CSMD1: variants seen among roughly 807,000 people sequenced by gnomAD.
The protein encoded by CSMD1 is CUB and Sushi multiple domains 1, also known as CUB and sushi domain-containing protein 1.
In CSMD1, 213 loss-of-function variants were observed where a neutral mutation model predicts 417.5. The observed-to-expected ratio is 0.51, with a 90% CI of 0.46 to 0.57. CSMD1 has a LOEUF of 0.57. Ranked by LOEUF, CSMD1 falls within the 20% of genes least tolerant of loss-of-function variation. The pLI, the probability that CSMD1 is intolerant of heterozygous loss-of-function variation, is 0.00. For missense variants in CSMD1, 6,923 were observed against 4,529.7 expected, an observed-to-expected ratio of 1.53 and a Z score of -15.17; for synonymous variants, 2,862 against 1,736.8, an observed-to-expected ratio of 1.65 and a Z score of -16.11.
chr8:3,125,646 T>C (rs1307558034), intron 41 of CSMD1, among the ~76,000 whole-genome samples: 4 of 152,200 alleles, frequency 2.6e-5, no homozygotes, highest in African/African-American at 4.8e-5. Context: ...TTCTCTCTAT[T>C]AGTTCTATAA....
At chr8:4,515,026 G>C (rs1454153405) in intron 2 of CSMD1, among the ~76,000 whole-genome samples, 1 of 152,048 alleles carries the variant, frequency 6.6e-6, no homozygotes, top group Non-Finnish European at 1.5e-5. Context: ...ATTCTCAAAA[G>C]AAGAAGCACT....
At chr8:4,761,271 C>T (rs1812023742) in intron 1 of CSMD1, among the ~76,000 whole-genome samples, 1 of 151,990 alleles carries the variant, frequency 6.6e-6, no homozygotes, top group African/African-American at 2.4e-5. Flanking sequence ...AACAGGAAAG[C>T]ATGGTCAGTG....
At chr8:3,961,751 C>G (rs1383738231) in intron 5 of CSMD1, among the ~76,000 whole-genome samples, 3 of 152,178 alleles carry the variant, frequency 2.0e-5, no homozygotes, top group African/African-American at 4.8e-5. Context: ...AAAGCCCGGT[C>G]TTTCATGATG....
At chr8:4,588,334 T>C (rs531613314) in intron 2 of CSMD1, among the ~76,000 whole-genome samples, 2 of 145,638 alleles carry the variant, frequency 1.4e-5, no homozygotes, top group African/African-American at 5.0e-5. Flanking sequence ...CAGTTTCAAA[T>C]ACAGTATAGA....
intron 2 of CSMD1, among the ~76,000 whole-genome samples, chr8:4,632,644 G>A (rs1466411091): frequency 2.0e-5 from 3 of 152,120 alleles, no homozygotes; most frequent in Admixed American, 6.6e-5. Context: ...TACAAGCCCC[G>A]AGCCCCATTG....
intron 3 of CSMD1, among the ~76,000 whole-genome samples, chr8:4,068,915 A>C (rs964352962): frequency 2.6e-5 from 4 of 152,190 alleles, no homozygotes; most frequent in African/African-American, 9.7e-5. Context: ...ACCAAATAAT[A>C]ATTATAATTT....
chr8:3,390,641 T>G (rs1344345914), intron 17 of CSMD1, among the ~76,000 whole-genome samples: 1 of 151,384 alleles, frequency 6.6e-6, no homozygotes, highest in East Asian at 1.9e-4. Flanking sequence ...TTGATACAAA[T>G]AGTTACAAAC....
At chr8:3,419,629 C>T (rs1414105726) in intron 12 of CSMD1, among the ~76,000 whole-genome samples, 1 of 151,812 alleles carries the variant, frequency 6.6e-6, no homozygotes. Context: ...CCCCTTTTAT[C>T]AACAGGATTG....
chr8:4,179,376 T>C, intron 3 of CSMD1, among the ~76,000 whole-genome samples: 1 of 152,174 alleles, frequency 6.6e-6, no homozygotes, highest in East Asian at 1.9e-4. Flanking sequence ...GCTAGCCATA[T>C]GTAGAAAGCT....
At chr8:3,894,109 T>C (rs1345371523) in intron 5 of CSMD1, among the ~76,000 whole-genome samples, 1 of 152,226 alleles carries the variant, frequency 6.6e-6, no homozygotes, top group East Asian at 1.9e-4. Context: ...GTTCCGTCTA[T>C]TCTGCACCTC....
intron 1 of CSMD1, among the ~76,000 whole-genome samples, chr8:4,967,889 A>C (rs1215187548): frequency 1.3e-5 from 2 of 152,196 alleles, no homozygotes; most frequent in African/African-American, 4.8e-5. Context: ...CTGCAGTACC[A>C]TACCGTGTGT....
intron 3 of CSMD1, among the ~76,000 whole-genome samples, chr8:4,113,177 G>A (rs886316890): frequency 1.3e-5 from 2 of 151,982 alleles, no homozygotes; most frequent in African/African-American, 2.4e-5. Context: ...CCTAGCCCCA[G>A]AGACACAACA....
rs531962814 is a variant in CSMD1 at position 3,466,762 on chromosome 8, G to C, written c.1561+1950C>G. 1.4e-4 allele frequency among the ~76,000 whole-genome samples: 22 copies of C among 151,886 alleles called. No individual in the cohort carries two copies. The East Asian group carries it at 2.9e-3, about 20-fold the overall frequency. Reference sequence around the variant, plus strand: ...GATAATATAATTTATGAATAACTTTGCTTTGAGTCAAATAATATAAAATTA... The same window carrying C: ...GATAATATAATTTATGAATAACTTTCCTTTGAGTCAAATAATATAAAATTA... On this transcript the variant is annotated intron_variant, in intron 12 of 69. Coordinates refer to ENST00000635120, the MANE Select transcript of CSMD1 (RefSeq NM_033225.6).
rs189614784 is a variant in CSMD1 at position 4,415,427 on chromosome 8, C to T, written c.415+4526G>A. Among the ~76,000 whole-genome samples, 15 of 152,078 alleles carry T rather than the reference C, an allele frequency of 9.9e-5. 1 individual carries two copies. The highest frequency in any genetic ancestry group is 7.9e-4 in the Admixed American group (12 of 15,268). On this transcript the variant is annotated intron_variant, in intron 3 of 69. Coordinates refer to ENST00000635120, the MANE Select transcript of CSMD1 (RefSeq NM_033225.6). ...TGACACAAAGTAGGCATTTAGCGCA[C>T]GTGCTTTAATAACACGCTCTTCAGG...
intron 8 of CSMD1, among the ~76,000 whole-genome samples, chr8:3,605,236 C>A (rs2449170): frequency 2.0e-5 from 3 of 151,992 alleles, no homozygotes; most frequent in South Asian, 4.1e-4. Flanking sequence ...GTGATCCACC[C>A]GCCTCGGCCT....
In CSMD1 at chr8:3,043,406, A is replaced by C. The variant is rs188841281; in HGVS notation, c.7660+9056T>G. On this transcript the variant is annotated intron_variant, in intron 50 of 69. Coordinates refer to ENST00000635120, the MANE Select transcript of CSMD1 (RefSeq NM_033225.6). ...ATAGCGATAGGTTTCTATGACCTAT[A>C]AATACTAGATATGACTAGATGGAAC... Among the ~76,000 whole-genome samples, 163 of 152,214 alleles carry C rather than the reference A, an allele frequency of 1.1e-3. 1 individual carries two copies. Among genetic ancestry groups the C allele is most frequent in the African/African-American group, 3.9e-3 (162 of 41,534 alleles).
chr8:3,160,621 A>T (rs1819826131), intron 38 of CSMD1, among the ~76,000 whole-genome samples: 1 of 152,230 alleles, frequency 6.6e-6, no homozygotes, highest in Non-Finnish European at 1.5e-5. Flanking sequence ...TGTGGTACCC[A>T]CCAAGATGGT....
intron 4 of CSMD1, among the ~76,000 whole-genome samples, chr8:4,028,215 G>A (rs972364571): frequency 3.9e-5 from 6 of 152,146 alleles, no homozygotes; most frequent in African/African-American, 1.4e-4. Context: ...TAGGACAGAG[G>A]AATAATTCAA....
intron 7 of CSMD1, among the ~76,000 whole-genome samples, chr8:3,618,958 T>A (rs112022922): frequency 1.3e-5 from 2 of 152,064 alleles, no homozygotes; most frequent in Non-Finnish European, 2.9e-5. Context: ...CTTTCCTGAC[T>A]TGCAGGTCAG....
Sources: allele counts gnomAD v4.1 joint callset (sites outside exome capture counted in the v4.1 genomes callset), GRCh38; gene constraint gnomAD v4.1.1; transcripts MANE v1.5; gene names NCBI Gene and HGNC (gene_info 2026-07-23, HGNC 2026-07-21).